Variants in NINJ2 observed in about 807,000 individuals in gnomAD.
NINJ2 encodes the protein ninjurin-2.
NINJ2 carries 12 observed loss-of-function variants against 11.7 expected under a neutral mutation model. The ratio of observed to expected loss-of-function variants is 1.02; its 90% CI spans 0.66 to 1.66. NINJ2 has a LOEUF of 1.66. NINJ2 is among the 40% of genes most tolerant of loss of function. The probability of loss-of-function intolerance (pLI) is 0.00; values close to 1 mark genes in which losing one functional copy is unlikely to be tolerated. For missense variants in NINJ2, 187 were observed against 181.8 expected (o/e 1.03, Z -0.16); for synonymous variants, 93 against 76.8 (o/e 1.21, Z -1.10).
intron 1 of NINJ2, among the ~76,000 whole-genome samples, chr12:568,881 C>G (rs970748266): frequency 4.3e-5 from 5 of 117,294 alleles, no homozygotes; most frequent in Non-Finnish European, 6.9e-5. Context: ...AGGACACCCC[C>G]CCCCCCCCGC....
intron 1 of NINJ2, among the ~76,000 whole-genome samples, chr12:609,487 A>C (rs900575690): frequency 1.3e-5 from 2 of 152,144 alleles, no homozygotes; most frequent in African/African-American, 4.8e-5. Flanking sequence ...AATAGGGGAA[A>C]CACCGGGCGC....
At chr12:618,791 G>A (rs74516064) in intron 1 of NINJ2, among the ~76,000 whole-genome samples, 11,957 of 152,238 alleles carry the variant, frequency 0.079, 629 homozygotes, top group East Asian at 0.16. Flanking sequence ...CTTGGTTACC[G>A]GGAGCCCTTG....
At chr12:575,509 T>G (rs1324512020) in intron 1 of NINJ2, among the ~76,000 whole-genome samples, 11 of 152,152 alleles carry the variant, frequency 7.2e-5, no homozygotes, top group Non-Finnish European at 1.5e-4. Context: ...TTCTAGACCC[T>G]GTCCCCAAAT....
intron 1 of NINJ2, among the ~76,000 whole-genome samples, chr12:625,044 G>A (rs911556678): frequency 6.7e-6 from 1 of 149,580 alleles, no homozygotes; most frequent in African/African-American, 2.5e-5. Context: ...GGGAGGTGGA[G>A]GTTGCAGTGA....
At chr12:652,144 G>A (rs1490426411) in intron 1 of NINJ2, among the ~76,000 whole-genome samples, 3 of 151,688 alleles carry the variant, frequency 2.0e-5, no homozygotes, top group Non-Finnish European at 4.4e-5. Context: ...CAAAAAAATC[G>A]AAGACAAAGA....
chr12:586,649 C>T (rs985878596), intron 1 of NINJ2, among the ~76,000 whole-genome samples: 7 of 152,240 alleles, frequency 4.6e-5, no homozygotes, highest in Admixed American at 1.3e-4. Flanking sequence ...CCAACCTTCC[C>T]GTTTTACAAA....
rs561930333 is a variant in NINJ2, at chr12:631,783, T to A, written c.33+31545A>T. On this transcript the variant is annotated intron_variant, in intron 1 of 3. Coordinates refer to ENST00000305108, the MANE Select transcript of NINJ2 (RefSeq NM_016533.6). Reference sequence around the variant, plus strand: ...TTCTTGCTCCTCACCCCATATTCAATTAAGAGAGAAAGGTGAAAAACACAA... The same window carrying A: ...TTCTTGCTCCTCACCCCATATTCAAATAAGAGAGAAAGGTGAAAAACACAA... 3.1e-4 allele frequency among the ~76,000 whole-genome samples: 47 copies of A among 152,170 alleles called. No individual in the cohort carries two copies. The South Asian group carries it at 6.0e-3, about 19-fold the overall frequency.
At position 628,965 on chromosome 12, in the gene NINJ2, C is replaced by A. The variant is rs1374159524; in HGVS notation, c.33+34363G>T. On this transcript the variant is annotated intron_variant, in intron 1 of 3. Transcript: ENST00000305108. The surrounding 1 kb of genome is among the most constrained non-coding windows in gnomAD (Gnocchi z 4.4). ...CCCAAAAAGCTCATGAATAACCCAC[C>A]CCTTGTTTAGCATATGATCAAGAAA... Among the ~76,000 whole-genome samples, 1 of 152,134 alleles carries A rather than the reference C, an allele frequency of 6.6e-6. No homozygotes were observed. Among genetic ancestry groups the A allele is most frequent in the South Asian group, 2.1e-4 (1 of 4,826 alleles).
chr12:652,656 GA>G (rs1276551821), intron 1 of NINJ2, among the ~76,000 whole-genome samples: 3 of 151,916 alleles, frequency 2.0e-5, no homozygotes, highest in Non-Finnish European at 4.4e-5. Context: ...ATTAACAAAT[GA>G]AAAAATTCAG....
intron 1 of NINJ2, among the ~76,000 whole-genome samples, chr12:629,467 G>T (rs116039566): frequency 6.6e-6 from 1 of 152,118 alleles, no homozygotes; most frequent in Non-Finnish European, 1.5e-5. Context: ...GTCTCTCCAC[G>T]CAATTAACCT....
intron 1 of NINJ2, among the ~76,000 whole-genome samples, chr12:646,068 C>T (rs1321031055): frequency 6.6e-6 from 1 of 152,140 alleles, no homozygotes; most frequent in African/African-American, 2.4e-5. Context: ...CACAATCTCA[C>T]AGGGACAGCC....
Position 654,740 on chromosome 12 carries a change from A to G in NINJ2, c.33+8588T>C, listed in dbSNP as rs972946078. Among the ~76,000 whole-genome samples, 3 of 152,034 alleles carry G rather than the reference A, an allele frequency of 2.0e-5. 1 individual carries two copies. The highest frequency in any genetic ancestry group is 1.3e-4 in the Admixed American group (2 of 15,260). On this transcript the variant is annotated intron_variant, in intron 1 of 3. Transcript: ENST00000305108. Reference sequence around the variant, plus strand: ...GAAACCTGTCTCTACTAAAAATACAAAATTAGTCGGGCGTGGTGACACCCG... The same window carrying G: ...GAAACCTGTCTCTACTAAAAATACAGAATTAGTCGGGCGTGGTGACACCCG...
rs1305813403 is a variant in NINJ2 at position 581,041 on chromosome 12, GTGTGTC to G, written c.34-14869_34-14864del. On this transcript the variant is annotated intron_variant, in intron 1 of 3. Coordinates refer to ENST00000305108, the MANE Select transcript of NINJ2 (RefSeq NM_016533.6). The surrounding 1 kb of genome is among the most constrained non-coding windows in gnomAD (Gnocchi z 4.9). The stretch of plus-strand genomic sequence containing the variant: ...GTTCATGTCTTGTGTATGTGTCTGT[GTGTGTC>G]TGTGTCTGTGTGTGCGTGTCTCTGT... 6.6e-6 allele frequency among the ~76,000 whole-genome samples: 1 copy of G among 151,542 alleles called. No individual in the cohort carries two copies.
At chr12:658,855 G>A (rs1937914958) in intron 1 of NINJ2, among the ~76,000 whole-genome samples, 1 of 151,964 alleles carries the variant, frequency 6.6e-6, no homozygotes. Flanking sequence ...ATGTGTCAAT[G>A]TAAGGCTCAT....
chr12:565,775 C>G, intron 2 of NINJ2, 175 bp downstream of exon 2: 1 of 691,084 alleles, frequency 1.4e-6, no homozygotes, highest in Non-Finnish European at 2.6e-6. Flanking sequence ...GGGCGCCTGC[C>G]CTCGCGGGGT....
In NINJ2 at chr12:659,700, C is replaced by T. The variant is rs550871728; in HGVS notation, c.33+3628G>A. 5.9e-5 allele frequency among the ~76,000 whole-genome samples: 9 copies of T among 152,330 alleles called. No individual in the cohort carries two copies. In the South Asian group the frequency reaches 1.9e-3, roughly 32 times the overall value. On this transcript the variant is annotated intron_variant, in intron 1 of 3. Coordinates refer to ENST00000305108, the MANE Select transcript of NINJ2 (RefSeq NM_016533.6). ...CCCATCCCAGTCTCACAGGTCTTGA[C>T]CTGGAGATACATTTGCAACATTGAT...
intron 1 of NINJ2, among the ~76,000 whole-genome samples, chr12:649,896 A>G (rs1367980973): frequency 1.3e-5 from 2 of 152,162 alleles, no homozygotes; most frequent in Non-Finnish European, 2.9e-5. Flanking sequence ...ATATTCCCTT[A>G]AGTATTCTTC....
At chr12:593,426 G>C (rs1291825908) in intron 1 of NINJ2, among the ~76,000 whole-genome samples, 1 of 152,172 alleles carries the variant, frequency 6.6e-6, no homozygotes, top group Admixed American at 6.5e-5. Flanking sequence ...TGAGTTACAA[G>C]GATATCAGTA....
At chr12:653,213 G>T (rs1937821679) in intron 1 of NINJ2, among the ~76,000 whole-genome samples, 2 of 151,654 alleles carry the variant, frequency 1.3e-5, no homozygotes, top group African/African-American at 4.8e-5. Flanking sequence ...GTAGAGACGA[G>T]GTTTCACCTT....
Sources: allele counts gnomAD v4.1 joint callset (sites outside exome capture counted in the v4.1 genomes callset), GRCh38; gene constraint gnomAD v4.1.1; non-coding constraint Gnocchi (gnomAD v3.1); transcripts MANE v1.5; gene names NCBI Gene and HGNC (gene_info 2026-07-23, HGNC 2026-07-21).